KIF1B: variants seen among roughly 807,000 people sequenced by gnomAD.
KIF1B encodes kinesin-like protein KIF1B.
Under a neutral mutation model 241.9 loss-of-function variants are expected in KIF1B, and 76 were observed. The ratio of observed to expected loss-of-function variants is 0.31; its 90% confidence interval spans 0.26 to 0.38. The LOEUF is 0.38. Ranked by LOEUF, KIF1B falls within the 10% of genes least tolerant of loss-of-function variation. The probability of loss-of-function intolerance (pLI) is 1.00; values close to 1 mark genes in which losing one functional copy is unlikely to be tolerated. For missense variants in KIF1B, 1,622 were observed against 2,271.4 expected (o/e 0.71, Z 5.81); for synonymous variants, 750 against 796.7 (o/e 0.94, Z 0.99).
intron 22 of KIF1B, among the ~76,000 whole-genome samples, chr1:10,299,646 A>G (rs1430890981): frequency 4.6e-5 from 7 of 152,226 alleles, no homozygotes; most frequent in African/African-American, 1.4e-4. Flanking sequence ...GCATTAAACA[A>G]TGGAATTCAG....
Position 10,379,521 on chromosome 1 carries a change from G to A in KIF1B, c.*2934G>A, listed in dbSNP as rs1264528487. 4.3e-6 allele frequency: 1 copy of A among 231,750 alleles called. No individual in the cohort carries two copies. Among genetic ancestry groups the A allele is most frequent in the Non-Finnish European group, 8.5e-6 (1 of 117,126 alleles). The allele number at this position is 231,750 out of a possible 1,614,324, so 14.4% of individuals were successfully genotyped here. On this transcript the variant is annotated 3_prime_UTR_variant, in exon 49 of 49. Coordinates refer to ENST00000676179, the MANE Select transcript of KIF1B (RefSeq NM_001365951.3). The stretch of plus-strand genomic sequence containing the variant: ...CACTGTGAGGCTGTGAGAGATTTGT[G>A]GCAGGAACTGTTTATGAGGCTCTAG...
chr1:10,235,792 G>A (rs960141150), intron 2 of KIF1B, among the ~76,000 whole-genome samples: 4 of 150,516 alleles, frequency 2.7e-5, no homozygotes, highest in Admixed American at 2.6e-4. Context: ...AACCCGGGAG[G>A]TGGAGGTTGC....
At chr1:10,329,755 C>T (rs1035872986) in intron 27 of KIF1B, among the ~76,000 whole-genome samples, 1 of 152,004 alleles carries the variant, frequency 6.6e-6, no homozygotes, top group Non-Finnish European at 1.5e-5. Flanking sequence ...AAATTAGTTT[C>T]TTGTGAAATT....
At chr1:10,242,975 A>T (rs576930945) in intron 2 of KIF1B, among the ~76,000 whole-genome samples, 1 of 152,314 alleles carries the variant, frequency 6.6e-6, no homozygotes, top group East Asian at 1.9e-4. Context: ...CTTACCAGAA[A>T]ACTGTGGGGC....
intron 45 of KIF1B, among the ~76,000 whole-genome samples, chr1:10,372,170 C>T (rs1230370566): frequency 1.3e-5 from 2 of 152,048 alleles, no homozygotes; most frequent in Non-Finnish European, 2.9e-5. Context: ...CTATTCTGTG[C>T]CACTAAGAGA....
chr1:10,232,523 T>A, intron 2 of KIF1B, 89 bp downstream of exon 2: 1 of 908,778 alleles, frequency 1.1e-6, no homozygotes, highest in Non-Finnish European at 1.8e-6. Flanking sequence ...TAGATGAACA[T>A]CTGTATGTTA....
intron 44 of KIF1B, 147 bp downstream of exon 44, chr1:10,368,685 C>T: frequency 1.4e-6 from 1 of 716,478 alleles, no homozygotes; most frequent in Non-Finnish European, 2.5e-6. Context: ...ACATACTGCT[C>T]TGGTATTCAT....
intron 22 of KIF1B, among the ~76,000 whole-genome samples, chr1:10,315,202 C>T (rs946464598): frequency 8.2e-5 from 9 of 109,760 alleles, no homozygotes; most frequent in South Asian, 5.9e-4. Flanking sequence ...TTTTTTAAGA[C>T]GGAGTCTCAC....
chr1:10,351,383 G>A (rs187154950), intron 37 of KIF1B, among the ~76,000 whole-genome samples: 1 of 152,102 alleles, frequency 6.6e-6, no homozygotes, highest in East Asian at 1.9e-4. Flanking sequence ...AACAAACTCT[G>A]ATGTAGTATT....
At chr1:10,259,070 T>C (rs1647961611) in intron 4 of KIF1B, among the ~76,000 whole-genome samples, 1 of 152,150 alleles carries the variant, frequency 6.6e-6, no homozygotes, top group Admixed American at 6.6e-5. Context: ...GTTTTTTTGA[T>C]AGCCTTATTC....
At chr1:10,350,032 T>C (rs959838912) in intron 37 of KIF1B, among the ~76,000 whole-genome samples, 2 of 152,236 alleles carry the variant, frequency 1.3e-5, no homozygotes, top group African/African-American at 4.8e-5. Context: ...GGCTCACGCC[T>C]GTAATCCCAG....
chr1:10,223,611 A>T (rs1479272706), intron 1 of KIF1B, among the ~76,000 whole-genome samples: 1 of 142,628 alleles, frequency 7.0e-6, no homozygotes, highest in African/African-American at 2.6e-5. Context: ...CAGTGGTGCG[A>T]TCTTGGCTCA....
intron 31 of KIF1B, among the ~76,000 whole-genome samples, chr1:10,338,759 G>C (rs973788063): frequency 6.6e-6 from 1 of 152,226 alleles, no homozygotes; most frequent in African/African-American, 2.4e-5. Flanking sequence ...TCTGGCCTGT[G>C]CCGGGAAGGT....
At chr1:10,345,743 G>A (rs1652564470) in intron 34 of KIF1B, 102 bp from the exon 35 acceptor site, 1 of 827,564 alleles carries the variant, frequency 1.2e-6, no homozygotes, top group Middle Eastern at 2.2e-4. Flanking sequence ...GACTCTTGCT[G>A]CCTTTCCCAA....
At chr1:10,356,878 G>A (rs546487465) in intron 38 of KIF1B, among the ~76,000 whole-genome samples, 25 of 150,402 alleles carry the variant, frequency 1.7e-4, no homozygotes, top group African/African-American at 5.2e-4. Flanking sequence ...CCAGCCTGGC[G>A]ACAGAGCTAG....
At chr1:10,243,090 A>C (rs1647160908) in intron 2 of KIF1B, among the ~76,000 whole-genome samples, 1 of 152,156 alleles carries the variant, frequency 6.6e-6, no homozygotes, top group South Asian at 2.1e-4. Context: ...TTTAGCTGTG[A>C]ATAAACTTGA....
At chr1:10,273,501 G>A (rs1416212093) in intron 10 of KIF1B, among the ~76,000 whole-genome samples, 1 of 152,032 alleles carries the variant, frequency 6.6e-6, no homozygotes, top group Non-Finnish European at 1.5e-5. Context: ...TGGAGTGAAA[G>A]TTTGTTCCAC....
intron 4 of KIF1B, 60 bp downstream of exon 4, chr1:10,258,732 T>G: frequency 6.5e-7 from 1 of 1,529,822 alleles, no homozygotes; most frequent in Non-Finnish European, 9.0e-7. Flanking sequence ...CTTAAATTGC[T>G]TTAACAGTTA....
intron 1 of KIF1B, among the ~76,000 whole-genome samples, chr1:10,213,985 A>C (rs1415581737): frequency 6.6e-6 from 1 of 152,034 alleles, no homozygotes; most frequent in Admixed American, 6.6e-5. Flanking sequence ...CAAAAAAAAA[A>C]AAATCTGGAT....
Sources: allele counts gnomAD v4.1 joint callset (sites outside exome capture counted in the v4.1 genomes callset), GRCh38; gene constraint gnomAD v4.1.1; transcripts MANE v1.5; gene names NCBI Gene and HGNC (gene_info 2026-07-23, HGNC 2026-07-21).